SRRM4: variants seen among roughly 807,000 people sequenced by gnomAD.
The protein encoded by SRRM4 is serine/arginine repetitive matrix protein 4.
Under a neutral mutation model 68.9 loss-of-function variants are expected in SRRM4, and 33 were observed. The observed-to-expected ratio is 0.48, with a 90% CI of 0.36 to 0.64. SRRM4 has a LOEUF of 0.64. Ranked by LOEUF, SRRM4 falls within the 30% of genes least tolerant of loss-of-function variation. The pLI, the probability that SRRM4 is intolerant of heterozygous loss-of-function variation, is 0.00. For missense variants in SRRM4, 817 were observed against 827.1 expected (o/e 0.99, Z 0.15); for synonymous variants, 318 against 318.8 (o/e 1.00, Z 0.03).
intron 1 of SRRM4, among the ~76,000 whole-genome samples, chr12:119,044,265 C>T (rs552059363): frequency 6.6e-6 from 1 of 152,320 alleles, no homozygotes; most frequent in African/African-American, 2.4e-5. Context: ...TGGTGCTAGT[C>T]CCTCCCCAAG....
chr12:119,148,919 T>C (rs759299647), intron 9 of SRRM4, among the ~76,000 whole-genome samples: 2 of 151,918 alleles, frequency 1.3e-5, no homozygotes, highest in Non-Finnish European at 2.9e-5. Flanking sequence ...AAAGGAACCA[T>C]AGACACTGAA....
intron 1 of SRRM4, among the ~76,000 whole-genome samples, chr12:119,008,070 A>G (rs1953426455): frequency 6.6e-6 from 1 of 152,202 alleles, no homozygotes; most frequent in African/African-American, 2.4e-5. Context: ...CGGTGAGGCT[A>G]ATACCCTTCC....
At chr12:119,136,891 C>T (rs1293267041) in intron 8 of SRRM4, among the ~76,000 whole-genome samples, 1 of 152,104 alleles carries the variant, frequency 6.6e-6, no homozygotes, top group Non-Finnish European at 1.5e-5. Context: ...ATGCAGTGCA[C>T]AGCCCCATGG....
chr12:119,045,519 C>G (rs1372608869), intron 1 of SRRM4, among the ~76,000 whole-genome samples: 2 of 140,608 alleles, frequency 1.4e-5, no homozygotes, highest in Non-Finnish European at 3.0e-5. Context: ...CAGAGACACA[C>G]CCTGCTTCTC....
At chr12:119,064,253 C>T (rs1953832149) in intron 1 of SRRM4, among the ~76,000 whole-genome samples, 5 of 152,154 alleles carry the variant, frequency 3.3e-5, no homozygotes, top group Admixed American at 3.3e-4. Flanking sequence ...TACGTGCTTA[C>T]AATACTCTAT....
chr12:118,993,217 A>G (rs561042369), intron 1 of SRRM4, among the ~76,000 whole-genome samples: 15 of 152,250 alleles, frequency 9.9e-5, no homozygotes, highest in African/African-American at 3.6e-4. Flanking sequence ...CTGACCCCAA[A>G]GAGGTTGTTC....
intron 5 of SRRM4, 32 bp from the exon 6 acceptor site, chr12:119,122,038 A>G (rs2136052632): frequency 6.7e-7 from 1 of 1,484,986 alleles, no homozygotes. Flanking sequence ...AGAATTTTGC[A>G]TCTTTCAATT....
At chr12:119,041,619 G>C (rs1953669559) in intron 1 of SRRM4, among the ~76,000 whole-genome samples, 1 of 152,208 alleles carries the variant, frequency 6.6e-6, no homozygotes, top group African/African-American at 2.4e-5. Context: ...GGTGAAGCCT[G>C]TTTCCAGACC....
intron 1 of SRRM4, among the ~76,000 whole-genome samples, chr12:119,006,749 C>A (rs981463826): frequency 1.2e-4 from 18 of 152,230 alleles, no homozygotes; most frequent in African/African-American, 3.6e-4. Flanking sequence ...ATGGGAAATA[C>A]CACCACTGAT....
intron 6 of SRRM4, among the ~76,000 whole-genome samples, chr12:119,123,622 C>G (rs1954237825): frequency 6.6e-6 from 1 of 151,808 alleles, no homozygotes; most frequent in Admixed American, 6.6e-5. Flanking sequence ...CTTGTGGAAG[C>G]CAAAAGACAA....
intron 8 of SRRM4, among the ~76,000 whole-genome samples, chr12:119,143,536 G>A (rs987575331): frequency 8.5e-5 from 13 of 152,188 alleles, no homozygotes; most frequent in African/African-American, 3.1e-4. Context: ...CAGAGTGCCA[G>A]GATATGACAT....
chr12:119,127,476 C>T (rs1954269105), intron 7 of SRRM4, among the ~76,000 whole-genome samples: 1 of 152,064 alleles, frequency 6.6e-6, no homozygotes, highest in South Asian at 2.1e-4. Flanking sequence ...GCCTGTAATC[C>T]TAGCACTTTG....
chr12:119,091,183 C>T (rs1218966207), intron 1 of SRRM4, among the ~76,000 whole-genome samples: 1 of 152,220 alleles, frequency 6.6e-6, no homozygotes, highest in Non-Finnish European at 1.5e-5. Flanking sequence ...CCCCTGTCTG[C>T]AGTTCTAGCT....
chr12:119,055,487 T>C (rs1592879363), intron 1 of SRRM4, among the ~76,000 whole-genome samples: 1 of 152,334 alleles, frequency 6.6e-6, no homozygotes, highest in South Asian at 2.1e-4. Context: ...CCCAATGTAG[T>C]CAGCCTCTAT....
intron 1 of SRRM4, among the ~76,000 whole-genome samples, chr12:119,041,025 C>T (rs1871453408): frequency 6.6e-6 from 1 of 152,128 alleles, no homozygotes; most frequent in Admixed American, 6.5e-5. Context: ...GCTAGGATTA[C>T]AGGCATGAGT....
At chr12:119,052,035 C>T (rs893210707) in intron 1 of SRRM4, among the ~76,000 whole-genome samples, 2 of 152,156 alleles carry the variant, frequency 1.3e-5, no homozygotes, top group African/African-American at 4.8e-5. Context: ...CATTTTAGAG[C>T]TTGGCTGGCA....
At chr12:118,988,430 A>T (rs1041454457) in intron 1 of SRRM4, among the ~76,000 whole-genome samples, 11 of 152,218 alleles carry the variant, frequency 7.2e-5, no homozygotes, top group African/African-American at 2.7e-4. Context: ...CATATAATAT[A>T]CATTTTCCAG....
At position 118,982,435 on chromosome 12, in the gene SRRM4, C is replaced by T. The variant is rs372939362; in HGVS notation, c.131+422C>T. The stretch of plus-strand genomic sequence containing the variant: ...GCTCAAGCAGCGTTCAGAGATAGCA[C>T]ACATTTCCATCCTCGGCTCGGAAAC... On this transcript the variant is annotated intron_variant, in intron 1 of 12. Coordinates refer to ENST00000267260, the MANE Select transcript of SRRM4 (RefSeq NM_194286.4). Among the ~76,000 whole-genome samples the T allele has an allele frequency of 7.2e-5, 11 of 152,204 alleles. No individual in the cohort carries two copies. The South Asian group carries it at 1.2e-3, about 17-fold the overall frequency.
chr12:119,104,995 C>A (rs1380112009), intron 2 of SRRM4, among the ~76,000 whole-genome samples: 6 of 128,946 alleles, frequency 4.7e-5, no homozygotes, highest in African/African-American at 1.8e-4. Flanking sequence ...ACAGGCCCCA[C>A]TGTGTGATGT....
Sources: gnomAD v4.1 joint callset for allele counts (sites outside exome capture counted in the v4.1 genomes callset) on GRCh38, gnomAD v4.1.1 for gene constraint, MANE v1.5 for transcripts, NCBI Gene and HGNC (gene_info 2026-07-23, HGNC 2026-07-21) for gene names.